Variants in PLEKHA1 observed in about 807,000 individuals in gnomAD.
PLEKHA1 encodes pleckstrin homology domain-containing family A member 1.
A neutral mutation model predicts 52.0 loss-of-function variants in PLEKHA1; 34 were observed. The ratio of observed to expected loss-of-function variants is 0.65; its 90% CI spans 0.50 to 0.87. The LOEUF (loss-of-function observed/expected upper bound fraction) is 0.87, where lower values mean the gene tolerates loss of function less well. Ranked by LOEUF, PLEKHA1 falls within the 40% of genes least tolerant of loss-of-function variation. The pLI is 0.00. For synonymous variants in PLEKHA1, 163 were observed against 170.7 expected (o/e 0.95, Z 0.35); for missense variants, 497 against 504.2 (o/e 0.99, Z 0.14).
chr10:122,376,560 G>C (rs553944301), intron 1 of PLEKHA1, among the ~76,000 whole-genome samples: 281 of 150,304 alleles, frequency 1.9e-3, no homozygotes, highest in African/African-American at 6.6e-3. Flanking sequence ...TATACACACC[G>C]CGCGGGCGCG....
At chr10:122,381,099 T>C (rs1590213821) in intron 1 of PLEKHA1, among the ~76,000 whole-genome samples, 1 of 152,202 alleles carries the variant, frequency 6.6e-6, no homozygotes, top group East Asian at 1.9e-4. Context: ...TACGTGTTTA[T>C]TGAGTGAACA....
At chr10:122,424,761 A>G in intron 9 of PLEKHA1, 135 bp from the exon 10 acceptor site, 1 of 532,602 alleles carries the variant, frequency 1.9e-6, no homozygotes, top group Non-Finnish European at 3.1e-6. Context: ...ATAAATGGGA[A>G]AAGATAATTT....
At position 122,430,721 on chromosome 10, in the gene PLEKHA1, A is replaced by G. The variant is rs370642818; in HGVS notation, c.*783A>G. On this transcript the variant is annotated 3_prime_UTR_variant, in exon 12 of 12. Coordinates refer to ENST00000368990, the MANE Select transcript of PLEKHA1 (RefSeq NM_001001974.4). Reference sequence around the variant, plus strand: ...AGTTTTGTAAATAGTTGTTATTTCTATATTTGGATTGGTGAAAGACCTCAA... The same window carrying G: ...AGTTTTGTAAATAGTTGTTATTTCTGTATTTGGATTGGTGAAAGACCTCAA... The G allele has an allele frequency of 2.6e-5, 4 of 152,170 alleles. No individual in the cohort carries two copies. The highest frequency in any genetic ancestry group is 6.5e-5 in the Admixed American group (1 of 15,282). 9.4% of individuals were successfully genotyped at this position (152,170 alleles called of 1,614,324 possible).
At chr10:122,404,230 C>T (rs946454917) in intron 4 of PLEKHA1, among the ~76,000 whole-genome samples, 38 of 151,984 alleles carry the variant, frequency 2.5e-4, no homozygotes, top group Admixed American at 2.5e-3. Flanking sequence ...GGATTGATTC[C>T]AGACTGATTT....
intron 1 of PLEKHA1, among the ~76,000 whole-genome samples, chr10:122,391,601 A>G (rs2096776534): frequency 6.6e-6 from 1 of 152,168 alleles, no homozygotes; most frequent in African/African-American, 2.4e-5. Flanking sequence ...AGTTGACTAT[A>G]GATGTATAGG....
At chr10:122,433,073 C>A (rs985892773), downstream of PLEKHA1, 1 of 152,116 alleles carries the variant, frequency 6.6e-6, no homozygotes, top group Non-Finnish European at 1.5e-5. Context: ...ATTGTCAGAT[C>A]CTGCTGCTTT....
chr10:122,441,728 G>A, the PLEKHA1 span: 1 of 152,068 alleles, frequency 6.6e-6, no homozygotes, highest in East Asian at 1.9e-4. Flanking sequence ...TTTATTTGAT[G>A]GTCTTCCATA....
At chr10:122,405,324 C>A (rs1234267712) in intron 4 of PLEKHA1, among the ~76,000 whole-genome samples, 1 of 151,732 alleles carries the variant, frequency 6.6e-6, no homozygotes, top group African/African-American at 2.4e-5. Context: ...TCTGTCTGAT[C>A]AAAAATACTG....
chr10:122,428,183 A>G, intron 11 of PLEKHA1: 1 of 1,179,936 alleles, frequency 8.5e-7, no homozygotes, highest in Non-Finnish European at 1.1e-6. Flanking sequence ...GGCAGATTGG[A>G]CTATCTAGCT....
At chr10:122,394,200 G>A (rs766449877) in intron 2 of PLEKHA1, among the ~76,000 whole-genome samples, 2 of 147,398 alleles carry the variant, frequency 1.4e-5, no homozygotes, top group African/African-American at 2.5e-5. Context: ...TCAGCCTCCC[G>A]AGTAGCTGGG....
chr10:122,406,587 G>A lies in PLEKHA1; in HGVS notation c.256G>A (p.Gly86Arg). The stretch of plus-strand genomic sequence containing the variant: ...TTTTCTGTCAACAGTTATGAATGCA[G>A]GAATGAGGAAGTACTTCCTACAAGC... Reference protein sequence around the residue: ...KAEFCFVMNAGMRKYFLQAND... With the variant: ...KAEFCFVMNARMRKYFLQAND... The change falls in exon 5 of 12, where the codon GGA (glycine) becomes AGA (arginine). Residue 86 changes from glycine to arginine, a missense_variant. By Grantham distance (125) the Gly-to-Arg change is moderately radical. Coordinates refer to ENST00000368990, the MANE Select transcript of PLEKHA1 (RefSeq NM_001001974.4). The A allele has an allele frequency of 6.2e-7, 1 of 1,611,494 alleles. No individual in the cohort carries two copies. Among genetic ancestry groups the A allele is most frequent in the Non-Finnish European group, 8.5e-7 (1 of 1,177,764 alleles).
At position 122,393,255 on chromosome 10, in the gene PLEKHA1, A is replaced by C. The variant is rs762174778; in HGVS notation, c.55A>C (p.Asn19His). 1.2e-6 allele frequency: 2 copies of C among 1,613,028 alleles called. No homozygotes were observed. Among genetic ancestry groups the C allele is most frequent in the Non-Finnish European group, 1.7e-6 (2 of 1,179,480 alleles). Residue 19 changes from asparagine (N) to histidine (H), a missense_variant, in exon 2 of 12, where the codon AAT (asparagine) becomes CAT (histidine). Physicochemically the swap from Asn to His is moderately conservative, Grantham distance 68. Coordinates refer to ENST00000368990, the MANE Select transcript of PLEKHA1 (RefSeq NM_001001974.4). The surrounding 1 kb of genome is among the most constrained non-coding windows in gnomAD (Gnocchi z 4.5). ...RICGFLDIEENENSGKFLRRY... is the reference protein window; with the variant it reads ...RICGFLDIEEHENSGKFLRRY... ...TTGTGGTTTTCTAGACATTGAAGAA[A>C]ATGAAAACAGTGGGAAATTTCTTCG...
intron 1 of PLEKHA1, among the ~76,000 whole-genome samples, chr10:122,391,701 A>G (rs12259249): frequency 0.062 from 9,410 of 151,970 alleles, 1,019 homozygotes; most frequent in African/African-American, 0.22. Context: ...ATGGTAGTAT[A>G]GAGTATTGAT....
chr10:122,442,001 T>A, the PLEKHA1 span: 6 of 152,166 alleles, frequency 3.9e-5, no homozygotes, highest in African/African-American at 1.4e-4. Context: ...TGTAGAAAAA[T>A]TTTTAGGTGG....
At chr10:122,410,437 A>G (rs1362601222) in intron 5 of PLEKHA1, among the ~76,000 whole-genome samples, 1 of 152,160 alleles carries the variant, frequency 6.6e-6, no homozygotes, top group Non-Finnish European at 1.5e-5. Flanking sequence ...TTTTCATTGG[A>G]CAGTTGGATG....
At chr10:122,436,610 C>T (rs751260766), downstream of PLEKHA1, 6 of 152,148 alleles carry the variant, frequency 3.9e-5, no homozygotes, top group East Asian at 5.8e-4. Flanking sequence ...CCTAAGAAGA[C>T]GACAAAGATG....
intron 10 of PLEKHA1, chr10:122,425,781 T>C (rs1265844017): frequency 6.6e-6 from 1 of 151,958 alleles, no homozygotes; most frequent in African/African-American, 2.4e-5. Context: ...TTAAATATGC[T>C]TATTCCAGAA....
intron 2 of PLEKHA1, among the ~76,000 whole-genome samples, chr10:122,397,187 T>G (rs2096862300): frequency 6.6e-6 from 1 of 152,094 alleles, no homozygotes; most frequent in Non-Finnish European, 1.5e-5. Context: ...TGGAATATTC[T>G]CCCCTGCTTT....
chr10:122,421,260 G>A (rs1279589635), intron 8 of PLEKHA1: 5 of 152,078 alleles, frequency 3.3e-5, no homozygotes, highest in African/African-American at 9.7e-5. Flanking sequence ...CCCTGCCCAA[G>A]GTATGTAATC....
Sources: gnomAD v4.1 joint callset for allele counts (sites outside exome capture counted in the v4.1 genomes callset) on GRCh38, gnomAD v4.1.1 for gene constraint, Gnocchi (gnomAD v3.1) non-coding constraint, MANE v1.5 for transcripts, NCBI Gene and HGNC (gene_info 2026-07-23, HGNC 2026-07-21) for gene names.